Variants in GLIS3 observed in about 807,000 individuals in gnomAD.
GLIS3 encodes the protein zinc finger protein GLIS3.
A neutral mutation model predicts 78.6 loss-of-function variants in GLIS3; 53 were observed. The ratio of observed to expected loss-of-function variants is 0.67; its 90% CI spans 0.54 to 0.85. The LOEUF (loss-of-function observed/expected upper bound fraction) is 0.85. Among genes scored for constraint, GLIS3 ranks in the 40% least tolerant of loss-of-function variants. The probability of loss-of-function intolerance (pLI) is 0.00; values close to 1 mark genes in which losing one functional copy is unlikely to be tolerated. For missense variants in GLIS3, 1,703 were observed against 1,231.1 expected (o/e 1.38, Z -5.74); for synonymous variants, 684 against 509.9 (o/e 1.34, Z -4.60).
At chr9:4,408,783 A>G in the GLIS3 span, among the ~76,000 whole-genome samples, 2 of 151,656 alleles carry the variant, frequency 1.3e-5, no homozygotes, top group Admixed American at 6.6e-5. Flanking sequence ...ATTTGATGTC[A>G]TAACAGGGGG....
At chr9:4,437,125 T>C in the GLIS3 span, among the ~76,000 whole-genome samples, 2 of 152,170 alleles carry the variant, frequency 1.3e-5, no homozygotes, top group Non-Finnish European at 2.9e-5. Flanking sequence ...ACAGTGGCAG[T>C]GTGAAGATTT....
At chr9:3,939,998 G>A (rs765087659) in intron 4 of GLIS3, among the ~76,000 whole-genome samples, 15 of 152,198 alleles carry the variant, frequency 9.9e-5, no homozygotes, top group Non-Finnish European at 1.3e-4. Flanking sequence ...AAAGAGAAAG[G>A]AGGTGCTGTT....
chr9:4,118,833 C>T lies in GLIS3; in HGVS notation c.645G>A (p.Thr215=), dbSNP rs142323958. 5.4e-5 allele frequency: 86 copies of T among 1,605,806 alleles called. No individual in the cohort carries two copies. Among genetic ancestry groups the T allele is most frequent in the Non-Finnish European group, 6.6e-5 (78 of 1,179,968 alleles). Residue 215 remains threonine, a synonymous_variant, in exon 4 of 11, where the codon ACG becomes ACA. Coordinates refer to ENST00000381971, the MANE Select transcript of GLIS3 (RefSeq NM_001042413.2). The surrounding 1 kb of genome is among the most constrained non-coding windows in gnomAD (Gnocchi z 4.7). The stretch of plus-strand genomic sequence containing the variant: ...TCATGCTTGAGGCCGACTGACTTTC[C>T]GTCAGACTCAAGGTCGTGGACGCCA... ...ESLASTTLSL[T]ESQSASSMKQ...
intron 2 of GLIS3, among the ~76,000 whole-genome samples, chr9:4,219,778 G>A (rs1195516486): frequency 1.3e-5 from 2 of 152,196 alleles, no homozygotes; most frequent in Admixed American, 1.3e-4. Flanking sequence ...GGCAGCACGT[G>A]CAGCAGGTCC....
chr9:4,415,058 C>A, the GLIS3 span, among the ~76,000 whole-genome samples: 3 of 152,136 alleles, frequency 2.0e-5, no homozygotes, highest in African/African-American at 7.2e-5. Flanking sequence ...GCTTCAACTA[C>A]TACTCAACTT....
intron 2 of GLIS3, among the ~76,000 whole-genome samples, chr9:4,338,839 T>G (rs1414477289): frequency 1.3e-5 from 2 of 152,216 alleles, no homozygotes; most frequent in East Asian, 3.8e-4. Context: ...CCAGAGATCC[T>G]TATTTAATTG....
chr9:4,419,002 T>C, the GLIS3 span, among the ~76,000 whole-genome samples: 5 of 152,198 alleles, frequency 3.3e-5, no homozygotes, highest in Non-Finnish European at 5.9e-5. Flanking sequence ...CTGAATCTTT[T>C]GGAAATATGA....
intron 2 of GLIS3, among the ~76,000 whole-genome samples, chr9:4,331,117 T>TA (rs1236513077): frequency 1.0e-5 from 1 of 99,450 alleles, no homozygotes; most frequent in Non-Finnish European, 2.8e-5. Flanking sequence ...TGTATTCTGT[T>TA]ACAGTTCTAG....
intron 2 of GLIS3, among the ~76,000 whole-genome samples, chr9:4,333,852 C>G (rs962551422): frequency 1.3e-5 from 2 of 150,880 alleles, no homozygotes; most frequent in Non-Finnish European, 2.9e-5. Context: ...CCAAACAACA[C>G]TTTACAAAAA....
chr9:4,098,990 C>G (rs1830163676), intron 4 of GLIS3, among the ~76,000 whole-genome samples: 1 of 152,122 alleles, frequency 6.6e-6, no homozygotes, highest in Non-Finnish European at 1.5e-5. Flanking sequence ...ACATAACAGA[C>G]CAGAATGTGT....
intron 2 of GLIS3, among the ~76,000 whole-genome samples, chr9:4,220,198 T>A (rs981664299): frequency 6.6e-6 from 1 of 152,170 alleles, no homozygotes; most frequent in African/African-American, 2.4e-5. Flanking sequence ...ATTATATAAA[T>A]AAATAATCTT....
intron 2 of GLIS3, among the ~76,000 whole-genome samples, chr9:4,282,266 T>C (rs1226735742): frequency 1.3e-5 from 2 of 152,236 alleles, no homozygotes; most frequent in Admixed American, 1.3e-4. Context: ...AAAATTTATG[T>C]GTCAACTTGA....
chr9:4,002,012 G>C (rs139945807), intron 4 of GLIS3, among the ~76,000 whole-genome samples: 2 of 152,160 alleles, frequency 1.3e-5, no homozygotes, highest in East Asian at 3.9e-4. Context: ...CTGTGGATAT[G>C]TTGCATTACA....
At chr9:4,258,419 TA>T (rs945701990) in intron 2 of GLIS3, among the ~76,000 whole-genome samples, 5 of 152,212 alleles carry the variant, frequency 3.3e-5, no homozygotes, top group African/African-American at 1.2e-4. Context: ...GGAAATACCT[TA>T]AAGTTCAGTT....
chr9:4,315,538 T>C (rs1274338630), intron 2 of GLIS3, among the ~76,000 whole-genome samples: 2 of 152,214 alleles, frequency 1.3e-5, no homozygotes, highest in East Asian at 3.8e-4. Context: ...CAGAGTTAAT[T>C]CCTAAACTTC....
chr9:4,215,770 A>G (rs1210319560), intron 2 of GLIS3, among the ~76,000 whole-genome samples: 1 of 152,190 alleles, frequency 6.6e-6, no homozygotes, highest in Non-Finnish European at 1.5e-5. Context: ...GGTACTACAA[A>G]GTCATGTTCC....
chr9:3,856,069 G>A lies in GLIS3; in HGVS notation c.2413C>T (p.Leu805=), dbSNP rs777777838. The A allele has an allele frequency of 6.2e-7, 1 of 1,614,198 alleles. No individual in the cohort carries two copies. Among genetic ancestry groups the A allele is most frequent in the East Asian group, 2.2e-5 (1 of 44,888 alleles). The change falls in exon 9 of 11, where the codon CTG becomes TTG. Residue 805 remains leucine, a synonymous_variant. Transcript: ENST00000381971. The part of the protein sequence containing the change: ...PYTQQPSGSH[L]KSYQPETNSS... ...TTTGTTTCTGGCTGATAGGACTTCA[G>A]GTGTGAACCTGATGGCTGCTGGGTA...
At chr9:4,069,826 G>A (rs1827436338) in intron 4 of GLIS3, among the ~76,000 whole-genome samples, 1 of 151,966 alleles carries the variant, frequency 6.6e-6, no homozygotes, top group Non-Finnish European at 1.5e-5. Context: ...GTGCATTTTA[G>A]AAGAAAAACT....
intron 2 of GLIS3, among the ~76,000 whole-genome samples, chr9:4,137,956 G>T (rs1340179464): frequency 6.6e-6 from 1 of 152,210 alleles, no homozygotes; most frequent in Non-Finnish European, 1.5e-5. Flanking sequence ...AAGCAAACAA[G>T]TACTCTGAAA....
Sources: gnomAD v4.1 joint callset for allele counts (sites outside exome capture counted in the v4.1 genomes callset) on GRCh38, gnomAD v4.1.1 for gene constraint, Gnocchi (gnomAD v3.1) non-coding constraint, MANE v1.5 for transcripts, NCBI Gene and HGNC (gene_info 2026-07-23, HGNC 2026-07-21) for gene names.